Variants in DTL observed in about 807,000 individuals in gnomAD.
The protein encoded by DTL is denticleless E3 ubiquitin protein ligase adapter.
In DTL, 46 loss-of-function variants were observed where a neutral mutation model predicts 87.0. That is an observed-to-expected ratio of 0.53 (90% CI 0.42 to 0.68). DTL has a LOEUF of 0.68. DTL is among the 30% of genes least tolerant of loss of function. The pLI, the probability that DTL is intolerant of heterozygous loss-of-function variation, is 0.00. For synonymous variants in DTL, 308 were observed against 311.2 expected (o/e 0.99, Z 0.11); for missense variants, 737 against 869.4 (o/e 0.85, Z 1.91).
intron 1 of DTL, among the ~76,000 whole-genome samples, chr1:212,039,182 C>T (rs944075825): frequency 3.3e-5 from 5 of 152,080 alleles, no homozygotes; most frequent in Non-Finnish European, 5.9e-5. Flanking sequence ...ATTGAATTTT[C>T]AATTCAATTA....
chr1:212,079,172 T>A (rs1220091936), intron 12 of DTL, among the ~76,000 whole-genome samples: 1 of 152,116 alleles, frequency 6.6e-6, no homozygotes, highest in African/African-American at 2.4e-5. Context: ...TTTTAAGTCA[T>A]TACTTTAATC....
At chr1:212,088,623 T>C (rs1021048113) in intron 13 of DTL, among the ~76,000 whole-genome samples, 1 of 152,254 alleles carries the variant, frequency 6.6e-6, no homozygotes, top group Admixed American at 6.5e-5. Flanking sequence ...GAAGAATTTC[T>C]GCCTGGCAAA....
At chr1:212,068,549 G>C in intron 9 of DTL, 50 bp from the exon 10 acceptor site, 3 of 1,196,804 alleles carry the variant, frequency 2.5e-6, no homozygotes, top group Non-Finnish European at 3.7e-6. Flanking sequence ...TTTAACCTCA[G>C]ATCTACTCAC....
At chr1:212,041,629 C>T (rs546301321) in intron 1 of DTL, among the ~76,000 whole-genome samples, 4 of 152,084 alleles carry the variant, frequency 2.6e-5, no homozygotes, top group African/African-American at 4.8e-5. Context: ...CCTCAGCCTC[C>T]GAGTAGCTGG....
intron 13 of DTL, among the ~76,000 whole-genome samples, chr1:212,092,186 T>G (rs943745463): frequency 6.6e-6 from 1 of 152,198 alleles, no homozygotes; most frequent in Non-Finnish European, 1.5e-5. Context: ...TAGCTCCCAC[T>G]TATAAGTGAG....
chr1:212,104,244 G>GTACTGTGTA lies in DTL; in HGVS notation c.*1304_*1305insTACTGTGTA, dbSNP rs2102593254. 1 of 152,332 alleles carries GTACTGTGTA rather than the reference G, an allele frequency of 6.6e-6. No individual in the cohort carries two copies. Among genetic ancestry groups the GTACTGTGTA allele is most frequent in the South Asian group, 2.1e-4 (1 of 4,824 alleles). 9.4% of individuals were successfully genotyped at this position (152,332 alleles called of 1,614,324 possible). ...TCATTTGTTTTATCCATATCCCTGA[G>GTACTGTGTA]GACTGTGTAGACTTTATGTCAGTTT... On this transcript the variant is annotated 3_prime_UTR_variant, in exon 15 of 15. Transcript: ENST00000366991.
At chr1:212,100,114 G>T in intron 13 of DTL, 138 bp from the exon 14 acceptor site, 1 of 557,948 alleles carries the variant, frequency 1.8e-6, no homozygotes. Context: ...GGGTGTGGTT[G>T]GAATCAAGTG....
intron 1 of DTL, among the ~76,000 whole-genome samples, chr1:212,039,325 A>G (rs1667573888): frequency 6.6e-6 from 1 of 152,146 alleles, no homozygotes. Flanking sequence ...TTATTGAAGG[A>G]ATTATTTAAT....
chr1:212,078,247 A>T lies in DTL; in HGVS notation c.1110A>T (p.Pro370=), dbSNP rs555884435. ...SQEVTSVCWC[P]SDFTKIATCS... is the part of the protein sequence containing the mutation. ...AGGTCACGTCTGTGTGCTGGTGTCC[A>T]TCTGACTTCACAAAGGTTTGTAAAT... Residue 370 remains proline, a synonymous_variant, in exon 12 of 15, where the codon CCA becomes CCT. Coordinates refer to ENST00000366991, the MANE Select transcript of DTL (RefSeq NM_016448.4). The T allele has an allele frequency of 1.1e-4, 171 of 1,605,746 alleles. 1 individual carries two copies. The South Asian group carries it at 1.8e-3, about 17-fold the overall frequency.
intron 1 of DTL, 108 bp from the exon 2 acceptor site, chr1:212,042,885 A>AC: frequency 2.9e-6 from 3 of 1,034,986 alleles, no homozygotes; most frequent in Non-Finnish European, 4.1e-6. Flanking sequence ...AAGTGGATCT[A>AC]TGTTAATATC....
At chr1:212,082,277 G>C (rs1655009572) in intron 13 of DTL, among the ~76,000 whole-genome samples, 1 of 152,182 alleles carries the variant, frequency 6.6e-6, no homozygotes, top group Non-Finnish European at 1.5e-5. Context: ...TGGTATGATG[G>C]TGGCCTGATT....
chr1:212,092,288 A>G lies in DTL; in HGVS notation c.1262-7964A>G, dbSNP rs147634628. 4.2e-3 allele frequency among the ~76,000 whole-genome samples: 633 copies of G among 152,304 alleles called. 4 individuals carry two copies. The highest frequency in any genetic ancestry group is 0.014 in the African/African-American group (583 of 41,552). On this transcript the variant is annotated intron_variant, in intron 13 of 14. Coordinates refer to ENST00000366991, the MANE Select transcript of DTL (RefSeq NM_016448.4). The stretch of plus-strand genomic sequence containing the variant: ...AGTGGCTCATGCCTGTAATCCTAGC[A>G]CTTTGGGAGGCCAAGGCAGGTGGAT...
chr1:212,044,147 T>C (rs561135287), intron 2 of DTL, among the ~76,000 whole-genome samples: 37 of 152,280 alleles, frequency 2.4e-4, no homozygotes, highest in East Asian at 1.9e-4. Flanking sequence ...AATAAAAATA[T>C]GGTTAAAAAA....
chr1:212,053,034 A>G (rs1415337836), intron 5 of DTL, among the ~76,000 whole-genome samples: 1 of 152,188 alleles, frequency 6.6e-6, no homozygotes, highest in Non-Finnish European at 1.5e-5. Context: ...CGGTCTCTAT[A>G]GATTTGCCCA....
intron 13 of DTL, among the ~76,000 whole-genome samples, chr1:212,082,011 G>A (rs1315075591): frequency 6.6e-6 from 1 of 151,316 alleles, no homozygotes; most frequent in Non-Finnish European, 1.5e-5. Flanking sequence ...AAATAGGCCT[G>A]GTGTCTTGGG....
chr1:212,056,073 C>G (rs1668166020), intron 5 of DTL, among the ~76,000 whole-genome samples: 1 of 152,226 alleles, frequency 6.6e-6, no homozygotes. Flanking sequence ...TTTTTCATCA[C>G]TGCTACTGTC....
intron 5 of DTL, among the ~76,000 whole-genome samples, chr1:212,057,990 T>G (rs1668230300): frequency 6.6e-6 from 1 of 152,156 alleles, no homozygotes; most frequent in South Asian, 2.1e-4. Flanking sequence ...CGAAGGTTAT[T>G]CTATGATGAT....
At chr1:212,073,518 A>G (rs887966535) in intron 11 of DTL, among the ~76,000 whole-genome samples, 1 of 152,208 alleles carries the variant, frequency 6.6e-6, no homozygotes, top group Non-Finnish European at 1.5e-5. Context: ...GGACAGGGGT[A>G]AAACCTGTTT....
intron 13 of DTL, among the ~76,000 whole-genome samples, chr1:212,095,739 A>T (rs376629822): frequency 5.3e-5 from 8 of 152,176 alleles, no homozygotes; most frequent in African/African-American, 1.9e-4. Flanking sequence ...TGATCATGGT[A>T]GATTATCTTT....
Sources: allele counts gnomAD v4.1 joint callset (sites outside exome capture counted in the v4.1 genomes callset), GRCh38; gene constraint gnomAD v4.1.1; transcripts MANE v1.5; gene names NCBI Gene and HGNC (gene_info 2026-07-23, HGNC 2026-07-21).